ADAMTS12: variants seen among roughly 807,000 people sequenced by gnomAD.
ADAMTS12 encodes the protein A disintegrin and metalloproteinase with thrombospondin motifs 12.
A neutral mutation model predicts 167.8 loss-of-function variants in ADAMTS12; 118 were observed. The ratio of observed to expected loss-of-function variants is 0.70; its 90% CI spans 0.61 to 0.82. The LOEUF (loss-of-function observed/expected upper bound fraction) is 0.82, where lower values mean the gene tolerates loss of function less well. Ranked by LOEUF, ADAMTS12 falls within the 40% of genes least tolerant of loss-of-function variation. ADAMTS12 has a pLI of 0.00. For missense variants in ADAMTS12, 1,916 were observed against 1,998.8 expected (o/e 0.96, Z 0.79); for synonymous variants, 704 against 716.9 (o/e 0.98, Z 0.29).
intron 3 of ADAMTS12, among the ~76,000 whole-genome samples, chr5:33,689,833 C>A (rs1441891143): frequency 6.6e-6 from 1 of 152,146 alleles, no homozygotes; most frequent in East Asian, 1.9e-4. Context: ...TTTTAAGGGT[C>A]ATGGAACCTT....
chr5:33,856,837 T>G (rs1038304297), intron 2 of ADAMTS12, among the ~76,000 whole-genome samples: 1 of 152,156 alleles, frequency 6.6e-6, no homozygotes, highest in Non-Finnish European at 1.5e-5. Context: ...CAGAAAACAG[T>G]GTGAAAATTC....
At chr5:33,562,679 T>G (rs1163142443) in intron 19 of ADAMTS12, among the ~76,000 whole-genome samples, 1 of 151,688 alleles carries the variant, frequency 6.6e-6, no homozygotes, top group Non-Finnish European at 1.5e-5. Context: ...TAGCCCAGGC[T>G]GGAGTGTAGT....
intron 2 of ADAMTS12, among the ~76,000 whole-genome samples, chr5:33,831,852 G>A (rs1163990989): frequency 1.3e-5 from 2 of 152,190 alleles, no homozygotes; most frequent in Non-Finnish European, 2.9e-5. Flanking sequence ...AGTCATGAAA[G>A]CCCTGCTCTA....
chr5:33,641,080 C>A (rs1354148120), intron 11 of ADAMTS12, among the ~76,000 whole-genome samples: 1 of 151,714 alleles, frequency 6.6e-6, no homozygotes, highest in African/African-American at 2.4e-5. Flanking sequence ...ATCACATATA[C>A]ACTTTTAAGA....
intron 22 of ADAMTS12, among the ~76,000 whole-genome samples, chr5:33,538,550 A>C (rs1166374224): frequency 6.6e-6 from 1 of 152,238 alleles, no homozygotes; most frequent in Middle Eastern, 3.4e-3. Flanking sequence ...AGAAGTATGG[A>C]GATATTAGCC....
intron 3 of ADAMTS12, among the ~76,000 whole-genome samples, chr5:33,730,314 G>GTGTC (rs1160244124): frequency 6.6e-6 from 1 of 151,630 alleles, no homozygotes; most frequent in African/African-American, 2.4e-5. Context: ...GTGTGTGTGT[G>GTGTC]TGTGTGTCTG....
At chr5:33,868,025 G>A (rs1749889213) in intron 2 of ADAMTS12, among the ~76,000 whole-genome samples, 1 of 151,956 alleles carries the variant, frequency 6.6e-6, no homozygotes, top group African/African-American at 2.4e-5. Flanking sequence ...TCCTCCTCTG[G>A]CCGTGTAATA....
chr5:33,838,368 G>A (rs1260831186), intron 2 of ADAMTS12, among the ~76,000 whole-genome samples: 5 of 152,100 alleles, frequency 3.3e-5, no homozygotes, highest in African/African-American at 9.7e-5. Flanking sequence ...AAAAAGAATC[G>A]TAGGCCACAA....
At chr5:33,748,571 G>A (rs1399972455) in intron 3 of ADAMTS12, among the ~76,000 whole-genome samples, 1 of 152,152 alleles carries the variant, frequency 6.6e-6, no homozygotes, top group Non-Finnish European at 1.5e-5. Context: ...ACAGATTTTA[G>A]GAGAAATGAA....
At chr5:33,817,393 C>A (rs556641964) in intron 2 of ADAMTS12, among the ~76,000 whole-genome samples, 1 of 152,326 alleles carries the variant, frequency 6.6e-6, no homozygotes, top group South Asian at 2.1e-4. Flanking sequence ...TCCTCACCCT[C>A]TTCATTCTTC....
intron 1 of ADAMTS12, 159 bp downstream of exon 1, chr5:33,891,571 C>A: frequency 9.6e-7 from 1 of 1,042,386 alleles, no homozygotes; most frequent in Non-Finnish European, 1.4e-6. Flanking sequence ...TCTGAGAAAG[C>A]CTAGGCTCCT....
chr5:33,710,936 T>G (rs531727407), intron 3 of ADAMTS12, among the ~76,000 whole-genome samples: 1 of 152,296 alleles, frequency 6.6e-6, no homozygotes, highest in African/African-American at 2.4e-5. Flanking sequence ...GTGGGGCAAG[T>G]GGTCTAAGAG....
Position 33,596,022 on chromosome 5 carries a change from G to C in ADAMTS12, c.2566C>G (p.Arg856Gly), listed in dbSNP as rs148278677. Residue 856 changes from arginine (R) to glycine (G), a missense_variant, in exon 17 of 24, where the codon CGC (arginine) becomes GGC (glycine). By Grantham distance (125) the Arg-to-Gly change is moderately radical (BLOSUM62 -2). Transcript: ENST00000504830. ...RQTAHCIKKG[R>G]GMVKATFCDP... ...CAGAATGTAGCTTTCACCATCCCGC[G>C]GCCCTTCTTTATGCAATGGGCAGTT... is the stretch of plus-strand genomic sequence containing the variant. 80 of 1,613,910 alleles carry C rather than the reference G, an allele frequency of 5.0e-5. 1 individual carries two copies. In the Admixed American group the frequency reaches 1.3e-3, roughly 27 times the overall value.
At chr5:33,759,906 T>G (rs1745288550) in intron 2 of ADAMTS12, among the ~76,000 whole-genome samples, 2 of 152,140 alleles carry the variant, frequency 1.3e-5, no homozygotes. Flanking sequence ...AAATAAAAAA[T>G]GCAACCACCA....
intron 2 of ADAMTS12, among the ~76,000 whole-genome samples, chr5:33,864,109 A>T (rs1224985161): frequency 6.6e-6 from 1 of 152,208 alleles, no homozygotes; most frequent in East Asian, 1.9e-4. Flanking sequence ...ACCCTAGAAG[A>T]AAACCTAGGT....
intron 5 of ADAMTS12, among the ~76,000 whole-genome samples, chr5:33,673,470 G>A (rs752177463): frequency 2.0e-5 from 3 of 152,112 alleles, no homozygotes; most frequent in Non-Finnish European, 4.4e-5. Context: ...ATCTAGAAAT[G>A]CCAGTGTCTT....
At chr5:33,611,775 A>C (rs1261515493) in intron 16 of ADAMTS12, among the ~76,000 whole-genome samples, 1 of 152,198 alleles carries the variant, frequency 6.6e-6, no homozygotes, top group African/African-American at 2.4e-5. Context: ...AGCTATGAAG[A>C]TTATCTAACA....
chr5:33,810,054 T>C (rs2112485590), intron 2 of ADAMTS12, among the ~76,000 whole-genome samples: 1 of 145,534 alleles, frequency 6.9e-6, no homozygotes, highest in African/African-American at 2.6e-5. Flanking sequence ...AATTACAGAG[T>C]CCTAAGAGTG....
intron 9 of ADAMTS12, among the ~76,000 whole-genome samples, chr5:33,647,092 A>C (rs899194893): frequency 6.6e-6 from 1 of 152,210 alleles, no homozygotes; most frequent in Non-Finnish European, 1.5e-5. Flanking sequence ...CCCAGATAGG[A>C]AAGATTAGTG....
Sources: gnomAD v4.1 joint callset for allele counts (sites outside exome capture counted in the v4.1 genomes callset) on GRCh38, gnomAD v4.1.1 for gene constraint, MANE v1.5 for transcripts, NCBI Gene and HGNC (gene_info 2026-07-23, HGNC 2026-07-21) for gene names.